Variants in COL5A1 observed in about 807,000 individuals in gnomAD.
COL5A1 encodes the protein collagen type V alpha 1 chain.
In COL5A1, 16 loss-of-function variants were observed where a neutral mutation model predicts 263.7. The ratio of observed to expected loss-of-function variants is 0.06; its 90% CI spans 0.04 to 0.09. The LOEUF (loss-of-function observed/expected upper bound fraction) is 0.09, where lower values mean the gene tolerates loss of function less well. COL5A1 is among the 10% of genes least tolerant of loss of function. COL5A1 has a pLI of 1.00. For synonymous variants in COL5A1, 1,012 were observed against 1,004.5 expected, an observed-to-expected ratio of 1.01 and a Z score of -0.14; for missense variants, 2,036 against 2,540.5, an observed-to-expected ratio of 0.80 and a Z score of 4.27.
intron 39 of COL5A1, among the ~76,000 whole-genome samples, chr9:134,803,724 T>A (rs1041606793): frequency 3.9e-5 from 6 of 152,042 alleles, no homozygotes; most frequent in Non-Finnish European, 7.4e-5. Context: ...GCGCCTGTAG[T>A]CCCAGCTACT....
intron 30 of COL5A1, among the ~76,000 whole-genome samples, chr9:134,785,642 A>G (rs1338447938): frequency 6.6e-6 from 1 of 152,208 alleles, no homozygotes; most frequent in Non-Finnish European, 1.5e-5. Context: ...TTCCTGCCCT[A>G]TCCTGCTACG....
chr9:134,756,489 C>T (rs1364435901), intron 16 of COL5A1, among the ~76,000 whole-genome samples: 6 of 152,224 alleles, frequency 3.9e-5, no homozygotes, highest in Non-Finnish European at 5.9e-5. Flanking sequence ...TCTCGAAGCC[C>T]AGGGGCAGTG....
intron 52 of COL5A1, among the ~76,000 whole-genome samples, chr9:134,816,812 G>T (rs1013190677): frequency 6.6e-6 from 1 of 152,230 alleles, no homozygotes; most frequent in Non-Finnish European, 1.5e-5. Flanking sequence ...CTTCCAAAAT[G>T]CAGAAAACCC....
At chr9:134,736,770 G>A (rs980210165) in intron 9 of COL5A1, among the ~76,000 whole-genome samples, 1 of 152,242 alleles carries the variant, frequency 6.6e-6, no homozygotes. Context: ...TGAGCTTGGG[G>A]AATGAAACAA....
chr9:134,777,631 C>T (rs541464923), intron 27 of COL5A1, among the ~76,000 whole-genome samples: 6 of 152,238 alleles, frequency 3.9e-5, no homozygotes, highest in South Asian at 2.1e-4. Flanking sequence ...GATCCTCAAA[C>T]GGTAGAACTG....
In COL5A1 at chr9:134,706,656, A is replaced by G. The variant is rs1177870490; in HGVS notation, c.654+5323A>G. 2.0e-5 allele frequency among the ~76,000 whole-genome samples: 3 copies of G among 152,270 alleles called. No homozygotes were observed. The East Asian group carries it at 5.8e-4, about 29-fold the overall frequency. On this transcript the variant is annotated intron_variant, in intron 4 of 65. Transcript: ENST00000371817. Reference sequence around the variant, plus strand: ...TTGGGACCTCGGAAATCATGACACAACTGTCCCCAGCCTGGAAGGGATCCC... The same window carrying G: ...TTGGGACCTCGGAAATCATGACACAGCTGTCCCCAGCCTGGAAGGGATCCC...
At chr9:134,648,173 C>T (rs898994742) in intron 1 of COL5A1, among the ~76,000 whole-genome samples, 2 of 151,910 alleles carry the variant, frequency 1.3e-5, no homozygotes, top group African/African-American at 4.8e-5. Flanking sequence ...CCTCGAACAT[C>T]GGACTCCAAG....
intron 42 of COL5A1, among the ~76,000 whole-genome samples, chr9:134,808,439 TG>T (rs1436209528): frequency 3.3e-5 from 5 of 152,152 alleles, no homozygotes; most frequent in Admixed American, 3.3e-4. Flanking sequence ...GGAAAAATAG[TG>T]TGTGCGTATG....
intron 27 of COL5A1, among the ~76,000 whole-genome samples, chr9:134,777,307 C>A (rs550462915): frequency 2.0e-5 from 3 of 152,356 alleles, no homozygotes; most frequent in African/African-American, 7.2e-5. Context: ...AGCCGTGCTG[C>A]AGCTCCTGAG....
Position 134,824,716 on chromosome 9 carries a change from G to A in COL5A1, c.4815G>A (p.Ala1605=), listed in dbSNP as rs755728242. ...ATGGCGAGAACTACGTGGACTACGC[G>A]GACGGCATGGAAGAGATCTTCGGCT... ...DGNGENYVDY[A]DGMEEIFGSL... The change falls in exon 62 of 66, where the codon GCG becomes GCA. Residue 1605 remains alanine, a synonymous_variant. Coordinates refer to ENST00000371817, the MANE Select transcript of COL5A1 (RefSeq NM_000093.5). 43 of 1,614,102 alleles carry A rather than the reference G, an allele frequency of 2.7e-5. No homozygotes were observed. Among genetic ancestry groups the A allele is most frequent in the East Asian group, 1.1e-4 (5 of 44,882 alleles).
chr9:134,747,607 ACATT>A (rs1217695761), intron 11 of COL5A1, among the ~76,000 whole-genome samples: 3 of 152,096 alleles, frequency 2.0e-5, no homozygotes, highest in Non-Finnish European at 4.4e-5. Context: ...ATTCACACGC[ACATT>A]CACACACATG....
rs1250894906 is a variant in COL5A1 at position 134,794,321 on chromosome 9, CT to C, written c.2701-760del. The stretch of plus-strand genomic sequence containing the variant: ...GCCTGGCGGCAGAGCAAGACTCTGT[CT>C]AAAAAAAAAAAAAAAGAAACAAAAA... On this transcript the variant is annotated intron_variant, in intron 32 of 65. Coordinates refer to ENST00000371817, the MANE Select transcript of COL5A1 (RefSeq NM_000093.5). This position sits in a 1 kb window ranked among gnomAD's most constrained non-coding sequence, Gnocchi z 4.3. Among the ~76,000 whole-genome samples the C allele has an allele frequency of 3.0e-5, 3 of 101,360 alleles. No homozygotes were observed. Among genetic ancestry groups the C allele is most frequent in the Non-Finnish European group, 4.1e-5 (2 of 48,314 alleles). 66.5% of individuals were successfully genotyped at this position (101,360 alleles called of 152,430 possible).
At chr9:134,752,314 A>AGGAGGGATGGGGCCTATCCCCCAAG (rs1835810082) in intron 13 of COL5A1, among the ~76,000 whole-genome samples, 1 of 151,820 alleles carries the variant, frequency 6.6e-6, no homozygotes, top group Non-Finnish European at 1.5e-5. Flanking sequence ...AGAGACAGGA[A>AGGAGGGATGGGGCCTATCCCCCAAG]GGAGGGATGG....
At chr9:134,724,302 A>G (rs775372914) in intron 4 of COL5A1, among the ~76,000 whole-genome samples, 3 of 152,212 alleles carry the variant, frequency 2.0e-5, no homozygotes, top group Non-Finnish European at 2.9e-5. Context: ...CTGTGAGGTC[A>G]ATGCTGCCGT....
rs1836035075 is a variant in COL5A1, at chr9:134,757,749, G to A, written c.1882-494G>A. 6.6e-6 allele frequency among the ~76,000 whole-genome samples: 1 copy of A among 152,204 alleles called. No homozygotes were observed. The highest frequency in any genetic ancestry group is 1.5e-5 in the Non-Finnish European group (1 of 68,054). ...CTGTTCCCGGGCTCCAGGGCATGCA[G>A]AAGAGGGGCCGGCCAGAGAGCCAGG... On this transcript the variant is annotated intron_variant, in intron 17 of 65. Coordinates refer to ENST00000371817, the MANE Select transcript of COL5A1 (RefSeq NM_000093.5). The surrounding 1 kb of genome is among the most constrained non-coding windows in gnomAD (Gnocchi z 6.2).
intron 57 of COL5A1, 148 bp from the exon 58 acceptor site, chr9:134,819,968 C>G: frequency 2.7e-6 from 2 of 736,750 alleles, no homozygotes; most frequent in Non-Finnish European, 2.5e-6. Flanking sequence ...CCTGGCCCCT[C>G]TGTTGAGCCT....
chr9:134,748,223 A>G (rs1327835510), intron 11 of COL5A1, among the ~76,000 whole-genome samples: 1 of 151,484 alleles, frequency 6.6e-6, no homozygotes, highest in Admixed American at 6.6e-5. Flanking sequence ...ATGCATTCAT[A>G]TGCACACCCA....
At chr9:134,748,101 CCACACATGCATA>C (rs935578867) in intron 11 of COL5A1, among the ~76,000 whole-genome samples, 12 of 77,088 alleles carry the variant, frequency 1.6e-4, no homozygotes, top group Non-Finnish European at 3.0e-4. Context: ...AGACATGCAT[CCACACATGCATA>C]CACAGACATG....
At chr9:134,776,004 C>G (rs187633447) in intron 27 of COL5A1, among the ~76,000 whole-genome samples, 1 of 152,248 alleles carries the variant, frequency 6.6e-6, no homozygotes, top group Admixed American at 6.5e-5. Context: ...CAGTGACATG[C>G]CCCAGATTAC....
Sources: gnomAD v4.1 joint callset for allele counts (sites outside exome capture counted in the v4.1 genomes callset) on GRCh38, gnomAD v4.1.1 for gene constraint, Gnocchi (gnomAD v3.1) non-coding constraint, MANE v1.5 for transcripts, NCBI Gene and HGNC (gene_info 2026-07-23, HGNC 2026-07-21) for gene names.